Variants in RETREG1 observed in about 807,000 individuals in gnomAD.
RETREG1 encodes reticulophagy regulator 1.
RETREG1 carries 44 observed loss-of-function variants against 54.8 expected under a neutral mutation model. The ratio of observed to expected loss-of-function variants is 0.80; its 90% CI spans 0.63 to 1.03. RETREG1 has a LOEUF of 1.03. Ranked by LOEUF, RETREG1 falls within the 50% of genes least tolerant of loss-of-function variation. The pLI is 0.00. For synonymous variants in RETREG1, 217 were observed against 238.5 expected (o/e 0.91, Z 0.83); for missense variants, 554 against 605.1 (o/e 0.92, Z 0.89).
At chr5:16,566,539 T>C (rs1356453813) in intron 2 of RETREG1, among the ~76,000 whole-genome samples, 2 of 152,258 alleles carry the variant, frequency 1.3e-5, no homozygotes, top group Non-Finnish European at 2.9e-5. Context: ...ATTTTCCATC[T>C]AACAAAAAGC....
At position 16,561,936 on chromosome 5, in the gene RETREG1, C is replaced by A. The variant is rs960423982; in HGVS notation, c.458+3827G>T. On this transcript the variant is annotated intron_variant, in intron 3 of 8. Coordinates refer to ENST00000306320, the MANE Select transcript of RETREG1 (RefSeq NM_001034850.3). The surrounding 1 kb of genome is among the most constrained non-coding windows in gnomAD (Gnocchi z 4.2). ...CAAATCCACTGAAATTACCCTAGCT[C>A]AGCTTGTCTAATCTTTCCCCAACCA... Among the ~76,000 whole-genome samples the A allele has an allele frequency of 1.3e-5, 2 of 152,186 alleles. No homozygotes were observed. The highest frequency in any genetic ancestry group is 4.8e-5 in the African/African-American group (2 of 41,452).
chr5:16,581,435 C>T (rs1742471189), intron 1 of RETREG1, among the ~76,000 whole-genome samples: 1 of 152,158 alleles, frequency 6.6e-6, no homozygotes, highest in African/African-American at 2.4e-5. Context: ...TAGCCAGCCC[C>T]ATCCTCACTG....
At chr5:16,479,073 C>CG in intron 5 of RETREG1, 86 bp from the exon 6 acceptor site, 1 of 1,336,854 alleles carries the variant, frequency 7.5e-7, no homozygotes, top group Non-Finnish European at 1.0e-6. Context: ...TACTACATTT[C>CG]TTTACTGAAA....
At chr5:16,605,091 T>G (rs80223293) in intron 1 of RETREG1, among the ~76,000 whole-genome samples, 2,249 of 152,244 alleles carry the variant, frequency 0.015, 51 homozygotes, top group African/African-American at 0.051. Flanking sequence ...ACTGAAGAAA[T>G]GGCCAAACAT....
rs1420139447 is a variant in RETREG1 at position 16,594,558 on chromosome 5, C to T, written c.320+22094G>A. ...TCACCAACATGGCAAAACCCCATCT[C>T]TACTAAAAATACAAAAATTAGCTGG... On this transcript the variant is annotated intron_variant, in intron 1 of 8. Transcript: ENST00000306320. This position sits in a 1 kb window ranked among gnomAD's most constrained non-coding sequence, Gnocchi z 4.4. Among the ~76,000 whole-genome samples the T allele has an allele frequency of 1.3e-5, 2 of 152,042 alleles. No individual in the cohort carries two copies. Among genetic ancestry groups the T allele is most frequent in the Non-Finnish European group, 2.9e-5 (2 of 67,998 alleles).
rs746783651 is a variant in RETREG1 at position 16,483,478 on chromosome 5, G to C, written c.459-6C>G. On this transcript the variant is annotated splice_polypyrimidine_tract_variant and splice_region_variant and intron_variant, in intron 3 of 8. Coordinates refer to ENST00000306320, the MANE Select transcript of RETREG1 (RefSeq NM_001034850.3). ...TGGAATTGATAACTTCCCAGCTAAA[G>C]AGACAAAAAGAAAAAAAATACTACT... 39 of 1,612,538 alleles carry C rather than the reference G, an allele frequency of 2.4e-5. No homozygotes were observed. The Admixed American group carries it at 6.5e-4, about 27-fold the overall frequency.
Position 16,593,124 on chromosome 5 carries a change from C to T in RETREG1, c.321-21022G>A, listed in dbSNP as rs1165723027. On this transcript the variant is annotated intron_variant, in intron 1 of 8. Transcript: ENST00000306320. The surrounding 1 kb of genome is among the most constrained non-coding windows in gnomAD (Gnocchi z 4.9). ...CTCGGCAAAGGCACAACAGTGAACCCCTGACTCACCATCCCATGCCCAGTG... is the reference window on the plus strand; with the variant it reads ...CTCGGCAAAGGCACAACAGTGAACCTCTGACTCACCATCCCATGCCCAGTG... Among the ~76,000 whole-genome samples, 1 of 152,152 alleles carries T rather than the reference C, an allele frequency of 6.6e-6. No homozygotes were observed. The highest frequency in any genetic ancestry group is 2.4e-5 in the African/African-American group (1 of 41,426).
At chr5:16,522,963 G>A (rs1461581605) in intron 3 of RETREG1, among the ~76,000 whole-genome samples, 3 of 151,848 alleles carry the variant, frequency 2.0e-5, no homozygotes, top group African/African-American at 7.3e-5. Flanking sequence ...CTGTGACTGC[G>A]CCACTACACT....
At chr5:16,558,311 C>G (rs564368812) in intron 3 of RETREG1, among the ~76,000 whole-genome samples, 2 of 152,254 alleles carry the variant, frequency 1.3e-5, no homozygotes, top group East Asian at 3.9e-4. Context: ...CTTTCTTGCT[C>G]TCTCGGGTTC....
At position 16,597,860 on chromosome 5, in the gene RETREG1, AG is replaced by A. The variant is rs1468318410; in HGVS notation, c.320+18791del. On this transcript the variant is annotated intron_variant, in intron 1 of 8. Transcript: ENST00000306320. This position sits in a 1 kb window ranked among gnomAD's most constrained non-coding sequence, Gnocchi z 4.3. ...CTGGAACTAGTACCTAAGCCCCTGAAGATCTGGACCTGCTTCCTTTCCAGCC... is the reference window on the plus strand; with the variant it reads ...CTGGAACTAGTACCTAAGCCCCTGAAATCTGGACCTGCTTCCTTTCCAGCC... 6.6e-6 allele frequency among the ~76,000 whole-genome samples: 1 copy of A among 152,132 alleles called. No homozygotes were observed. The highest frequency in any genetic ancestry group is 1.5e-5 in the Non-Finnish European group (1 of 68,020).
At position 16,585,724 on chromosome 5, in the gene RETREG1, G is replaced by A. The variant is rs1037419044; in HGVS notation, c.321-13622C>T. Among the ~76,000 whole-genome samples, 7 of 152,180 alleles carry A rather than the reference G, an allele frequency of 4.6e-5. No individual in the cohort carries two copies. The highest frequency in any genetic ancestry group is 2.4e-5 in the African/African-American group (1 of 41,428). ...CTGCAGGCTGTACAGGAAGCATGGG[G>A]TCAGCATCTGCTCGGCTTCTCATGA... On this transcript the variant is annotated intron_variant, in intron 1 of 8. Coordinates refer to ENST00000306320, the MANE Select transcript of RETREG1 (RefSeq NM_001034850.3). This position sits in a 1 kb window ranked among gnomAD's most constrained non-coding sequence, Gnocchi z 4.5.
At chr5:16,605,654 T>C (rs192363636) in intron 1 of RETREG1, among the ~76,000 whole-genome samples, 197 of 152,296 alleles carry the variant, frequency 1.3e-3, no homozygotes, top group Non-Finnish European at 2.3e-3. Flanking sequence ...ATTAACTAGG[T>C]GGCTTATGCG....
At position 16,517,146 on chromosome 5, in the gene RETREG1, A is replaced by G. The variant is rs570250113; in HGVS notation, c.459-33674T>C. Among the ~76,000 whole-genome samples, 6 of 150,574 alleles carry G rather than the reference A, an allele frequency of 4.0e-5. No individual in the cohort carries two copies. The South Asian group carries it at 1.0e-3, about 26-fold the overall frequency. On this transcript the variant is annotated intron_variant, in intron 3 of 8. Transcript: ENST00000306320. The stretch of plus-strand genomic sequence containing the variant: ...GGAGTCTTGGAATGAGGAGGAAGAT[A>G]TATCTAATAGGAGTCTTGGAATGAG...
intron 3 of RETREG1, among the ~76,000 whole-genome samples, chr5:16,504,239 T>C (rs35429573): frequency 0.24 from 35,927 of 152,204 alleles, 4,531 homozygotes; most frequent in Middle Eastern, 0.31. Flanking sequence ...CAGTCTCATT[T>C]CTTTTTATGG....
chr5:16,561,647 C>T lies in RETREG1; in HGVS notation c.458+4116G>A, dbSNP rs1741859509. Among the ~76,000 whole-genome samples, 2 of 152,180 alleles carry T rather than the reference C, an allele frequency of 1.3e-5. No homozygotes were observed. Among genetic ancestry groups the T allele is most frequent in the South Asian group, 2.1e-4 (1 of 4,822 alleles). On this transcript the variant is annotated intron_variant, in intron 3 of 8. Coordinates refer to ENST00000306320, the MANE Select transcript of RETREG1 (RefSeq NM_001034850.3). This position sits in a 1 kb window ranked among gnomAD's most constrained non-coding sequence, Gnocchi z 4.2. ...CTAACAAAAGCCCTAGAATAGGGAGCTTCTCACTCCGTAACCAAACCTAAC... is the reference window on the plus strand; with the variant it reads ...CTAACAAAAGCCCTAGAATAGGGAGTTTCTCACTCCGTAACCAAACCTAAC...
intron 1 of RETREG1, among the ~76,000 whole-genome samples, chr5:16,602,987 A>C (rs755802691): frequency 2.0e-5 from 3 of 152,164 alleles, no homozygotes; most frequent in Non-Finnish European, 4.4e-5. Context: ...CAGCCTGGGC[A>C]ACAAGAGAGA....
At chr5:16,497,070 T>C (rs1739492790) in intron 3 of RETREG1, among the ~76,000 whole-genome samples, 1 of 152,194 alleles carries the variant, frequency 6.6e-6, no homozygotes, top group African/African-American at 2.4e-5. Context: ...TACTAGGAAC[T>C]ATTAAGAGAG....
intron 3 of RETREG1, among the ~76,000 whole-genome samples, chr5:16,495,117 G>A (rs1439632629): frequency 4.6e-5 from 7 of 152,216 alleles, no homozygotes; most frequent in African/African-American, 1.4e-4. Context: ...TCTGGTGGAA[G>A]AAATTTCTAA....
rs150387804 is a variant in RETREG1 at position 16,574,320 on chromosome 5, A to G, written c.321-2218T>C. Among the ~76,000 whole-genome samples, 385 of 152,320 alleles carry G rather than the reference A, an allele frequency of 2.5e-3. 1 individual carries two copies. The highest frequency in any genetic ancestry group is 4.6e-3 in the Non-Finnish European group (314 of 68,026). ...CAGAATGCGCAGTAAGTCTTATGCTACAAACAATAGAGAGAAAGTCAAAGG... is the reference window on the plus strand; with the variant it reads ...CAGAATGCGCAGTAAGTCTTATGCTGCAAACAATAGAGAGAAAGTCAAAGG... On this transcript the variant is annotated intron_variant, in intron 1 of 8. Transcript: ENST00000306320.
Sources: gnomAD v4.1 joint callset for allele counts (sites outside exome capture counted in the v4.1 genomes callset) on GRCh38, gnomAD v4.1.1 for gene constraint, Gnocchi (gnomAD v3.1) non-coding constraint, MANE v1.5 for transcripts, NCBI Gene and HGNC (gene_info 2026-07-23, HGNC 2026-07-21) for gene names.